The following TRPC7 variants were observed in gnomAD, a reference collection of about 807,000 sequenced individuals.
The protein encoded by TRPC7 is short transient receptor potential channel 7.
In TRPC7, 42 loss-of-function variants were observed where a neutral mutation model predicts 90.1. The observed-to-expected ratio is 0.47, with a 90% CI of 0.36 to 0.60. TRPC7 has a LOEUF of 0.60. TRPC7 is among the 20% of genes least tolerant of loss of function. TRPC7 has a pLI of 0.00. For missense variants in TRPC7, 955 were observed against 1,112.3 expected (o/e 0.86, Z 2.01); for synonymous variants, 451 against 436.3 (o/e 1.03, Z -0.42).
intron 2 of TRPC7, among the ~76,000 whole-genome samples, chr5:136,352,777 T>C (rs1044272957): frequency 1.3e-5 from 2 of 152,130 alleles, no homozygotes; most frequent in African/African-American, 4.8e-5. Flanking sequence ...GAAGACACAC[T>C]TTGCCCTCCA....
At chr5:136,327,415 T>A (rs1426452559) in intron 2 of TRPC7, among the ~76,000 whole-genome samples, 1 of 152,110 alleles carries the variant, frequency 6.6e-6, no homozygotes, top group Non-Finnish European at 1.5e-5. Context: ...CCACCTCCAC[T>A]TGAAAGGGCT....
At chr5:136,275,335 T>C (rs2149815686) in intron 3 of TRPC7, among the ~76,000 whole-genome samples, 1 of 151,860 alleles carries the variant, frequency 6.6e-6, no homozygotes, top group African/African-American at 2.4e-5. Context: ...TATTCTTATC[T>C]GCAAAACAGA....
chr5:136,287,713 A>AAAAAAAAAAAAAAAAAAAAAAAC (rs1757773721), intron 3 of TRPC7, among the ~76,000 whole-genome samples: 1 of 91,206 alleles, frequency 1.1e-5, no homozygotes, highest in Non-Finnish European at 2.3e-5. Flanking sequence ...AAAAAAAAAA[A>AAAAAAAAAAAAAAAAAAAAAAAC]AAAAAAAAAA....
chr5:136,269,119 G>T (rs2149813339), intron 4 of TRPC7, among the ~76,000 whole-genome samples: 1 of 152,334 alleles, frequency 6.6e-6, no homozygotes, highest in South Asian at 2.1e-4. Flanking sequence ...AAGAGATGAA[G>T]ATGTGGGCCT....
intron 2 of TRPC7, among the ~76,000 whole-genome samples, chr5:136,354,533 C>T (rs1760302332): frequency 6.6e-6 from 1 of 152,196 alleles, no homozygotes; most frequent in Admixed American, 6.5e-5. Flanking sequence ...CAGAGGCTTC[C>T]ATGGCCTCAC....
chr5:136,255,913 T>C (rs1456948537), intron 5 of TRPC7, among the ~76,000 whole-genome samples: 2 of 152,152 alleles, frequency 1.3e-5, no homozygotes, highest in Non-Finnish European at 1.5e-5. Flanking sequence ...TACTCTTCTG[T>C]CTCTCCAGGA....
At chr5:136,218,924 G>A (rs1755362475) in intron 10 of TRPC7, among the ~76,000 whole-genome samples, 2 of 152,218 alleles carry the variant, frequency 1.3e-5, no homozygotes, top group South Asian at 2.1e-4. Flanking sequence ...AGAGACTGAT[G>A]TAACTTCTCC....
At chr5:136,362,902 T>A (rs1760612630) in intron 1 of TRPC7, among the ~76,000 whole-genome samples, 1 of 152,168 alleles carries the variant, frequency 6.6e-6, no homozygotes, top group African/African-American at 2.4e-5. Flanking sequence ...ATATGGTGCT[T>A]GGTCAATCAA....
intron 2 of TRPC7, chr5:136,316,137 C>T (rs1759018406): frequency 4.9e-6 from 1 of 202,252 alleles, no homozygotes; most frequent in Non-Finnish European, 9.9e-6. Context: ...TAACTTTGCT[C>T]TCTAATGATG....
At chr5:136,222,171 G>A (rs1160897920) in intron 10 of TRPC7, 2 of 151,824 alleles carry the variant, frequency 1.3e-5, no homozygotes, top group Non-Finnish European at 2.9e-5. Flanking sequence ...AAAAAACACA[G>A]AAAGCCTCTG....
chr5:136,289,892 C>A (rs1163689743), intron 3 of TRPC7, among the ~76,000 whole-genome samples: 1 of 152,238 alleles, frequency 6.6e-6, no homozygotes, highest in Non-Finnish European at 1.5e-5. Flanking sequence ...AGGCACCCCC[C>A]AGTAGGGGTG....
intron 7 of TRPC7, among the ~76,000 whole-genome samples, chr5:136,237,440 C>G (rs1012938596): frequency 2.6e-5 from 4 of 152,316 alleles, no homozygotes; most frequent in Non-Finnish European, 4.4e-5. Context: ...ACACAGGAGG[C>G]ATTCAACAAA....
intron 3 of TRPC7, among the ~76,000 whole-genome samples, chr5:136,313,373 GTCTGTCTA>G (rs1255551481): frequency 0.044 from 4,126 of 92,942 alleles, 55 homozygotes; most frequent in African/African-American, 0.064. Flanking sequence ...CTCAGGAGAT[GTCTGTCTA>G]TCTATCTATC....
At chr5:136,303,462 G>A (rs1371010172) in intron 3 of TRPC7, among the ~76,000 whole-genome samples, 5 of 152,136 alleles carry the variant, frequency 3.3e-5, no homozygotes, top group Non-Finnish European at 7.3e-5. Context: ...TTTCTGAGTT[G>A]CAATTCCTTG....
rs1430173286 is a variant in TRPC7 at position 136,357,341 on chromosome 5, G to A, written c.47C>T (p.Thr16Met). Residue 16 changes from threonine (T) to methionine (M), a missense_variant, in exon 2 of 12, where the codon ACG becomes ATG. By Grantham distance (81) the Thr-to-Met change is moderately conservative. Transcript: ENST00000513104. Reference protein sequence around the residue: ...TFKNMQRRHTTLREKGRRQAI... With the variant: ...TFKNMQRRHTMLREKGRRQAI... ...CTGGCGACGGCCCTTCTCCCTCAGC[G>A]TTGTGTGCCGGCGCTGCATGTTTTT... is the stretch of plus-strand genomic sequence containing the variant. 13 of 1,604,210 alleles carry A rather than the reference G, an allele frequency of 8.1e-6. No individual in the cohort carries two copies. The Middle Eastern group carries it at 5.0e-4, about 61-fold the overall frequency.
chr5:136,357,288 T>C lies in TRPC7; in HGVS notation c.100A>G (p.Asn34Asp). The C allele has an allele frequency of 6.2e-7, 1 of 1,612,688 alleles. No individual in the cohort carries two copies. The highest frequency in any genetic ancestry group is 8.5e-7 in the Non-Finnish European group (1 of 1,179,890). Reference sequence around the variant, plus strand: ...GGCGTCAGACTGGTGCCCTTCTCGTTGAACATGTAGGCGGGACCCCGGATG... The same window carrying C: ...GGCGTCAGACTGGTGCCCTTCTCGTCGAACATGTAGGCGGGACCCCGGATG... ...QAIRGPAYMF[N>D]EKGTSLTPEE... Residue 34 changes from asparagine to aspartate, a missense_variant, in exon 2 of 12, where the codon AAC becomes GAC. Transcript: ENST00000513104.
intron 7 of TRPC7, among the ~76,000 whole-genome samples, chr5:136,238,670 A>G (rs1254789593): frequency 1.3e-5 from 2 of 152,214 alleles, no homozygotes; most frequent in Non-Finnish European, 2.9e-5. Flanking sequence ...GGCCCTGGGC[A>G]GTGCTTGAGA....
chr5:136,316,534 C>T (rs3777145), intron 2 of TRPC7, among the ~76,000 whole-genome samples: 27,630 of 152,006 alleles, frequency 0.18, 3,375 homozygotes, highest in East Asian at 0.34. Context: ...TAGCCCTTGA[C>T]CTTGTTGTTG....
chr5:136,274,938 G>T, intron 3 of TRPC7, 101 bp from the exon 4 acceptor site: 4 of 1,343,218 alleles, frequency 3.0e-6, no homozygotes, highest in Non-Finnish European at 4.0e-6. Flanking sequence ...GGGCTGAAAT[G>T]CTCCACCTGG....
Sources: allele counts gnomAD v4.1 joint callset (sites outside exome capture counted in the v4.1 genomes callset), GRCh38; gene constraint gnomAD v4.1.1; transcripts MANE v1.5; gene names NCBI Gene and HGNC (gene_info 2026-07-23, HGNC 2026-07-21).